The following KLHL4 variants were observed in gnomAD, a reference collection of about 807,000 sequenced individuals.
KLHL4 encodes the protein kelch-like protein 4.
In KLHL4, 17 loss-of-function variants were observed where a neutral mutation model predicts 45.8. The observed-to-expected ratio is 0.37, with a 90% CI of 0.25 to 0.56. The LOEUF is 0.56. Among genes scored for constraint, KLHL4 ranks in the 20% least tolerant of loss-of-function variants. The pLI, the probability that KLHL4 is intolerant of heterozygous loss-of-function variation, is 0.79. For missense variants in KLHL4, 544 were observed against 544.9 expected (o/e 1.00, Z 0.02); for synonymous variants, 224 against 189.9 (o/e 1.18, Z -1.47).
chrX:87,528,390 C>A (rs1042858785), intron 1 of KLHL4, among the ~76,000 whole-genome samples: 3 of 109,747 alleles, frequency 2.7e-5, no homozygotes, highest in Admixed American at 1.9e-4. Context: ...ATGGGACTTA[C>A]GAGACACCAT....
chrX:87,554,952 C>T (rs79466750), intron 1 of KLHL4, among the ~76,000 whole-genome samples: 23,746 of 104,751 alleles, frequency 0.23, 2,033 homozygotes, highest in South Asian at 0.28. Flanking sequence ...TGTCAAAGGC[C>T]TTTTCTGCAT....
intron 9 of KLHL4, among the ~76,000 whole-genome samples, chrX:87,641,065 G>A (rs775706208): frequency 2.7e-5 from 3 of 112,093 alleles, no homozygotes; most frequent in Non-Finnish European, 5.6e-5. Context: ...GGAGAAGATT[G>A]CAGCTACAGA....
At chrX:87,551,126 A>G (rs113621018) in intron 1 of KLHL4, among the ~76,000 whole-genome samples, 3 of 107,777 alleles carry the variant, frequency 2.8e-5, no homozygotes, top group African/African-American at 1.0e-4. Context: ...GACTCCTCCA[A>G]AAAGCTCCTA....
intron 1 of KLHL4, among the ~76,000 whole-genome samples, chrX:87,597,273 G>C (rs1407816352): frequency 2.7e-5 from 3 of 111,505 alleles, no homozygotes; most frequent in African/African-American, 9.8e-5. Context: ...TACTGACACT[G>C]TAGCTAGAAT....
chrX:87,634,549 G>T (rs1254728713), intron 8 of KLHL4, among the ~76,000 whole-genome samples: 2 of 111,943 alleles, frequency 1.8e-5, no homozygotes, highest in Non-Finnish European at 3.8e-5. Flanking sequence ...CATGAATCAT[G>T]CGAGTTTTAG....
chrX:87,632,187 G>A (rs781602305), intron 6 of KLHL4, 23 bp from the exon 7 acceptor site: 28 of 983,544 alleles, frequency 2.8e-5, no homozygotes, highest in African/African-American at 3.8e-5. Flanking sequence ...AGATTTTACC[G>A]TTGTTCAATA....
intron 1 of KLHL4, among the ~76,000 whole-genome samples, chrX:87,600,365 T>A (rs954600752): frequency 4.2e-4 from 46 of 109,641 alleles, no homozygotes; most frequent in Admixed American, 9.7e-4. Context: ...GCACCTGTAG[T>A]CCCAGCTATC....
At chrX:87,656,823 C>T (rs1158838857) in intron 9 of KLHL4, among the ~76,000 whole-genome samples, 2 of 111,787 alleles carry the variant, frequency 1.8e-5, no homozygotes, top group Non-Finnish European at 3.8e-5. Flanking sequence ...AAAAATATCA[C>T]ATCTTCTTAT....
At chrX:87,645,041 T>C (rs1923586781) in intron 9 of KLHL4, among the ~76,000 whole-genome samples, 1 of 111,768 alleles carries the variant, frequency 8.9e-6, no homozygotes, top group South Asian at 3.7e-4. Context: ...AAAACAAAGC[T>C]AAATAGGTGG....
chrX:87,608,607 G>T (rs1922271155), intron 1 of KLHL4, among the ~76,000 whole-genome samples: 1 of 111,130 alleles, frequency 9.0e-6, no homozygotes, highest in African/African-American at 3.3e-5. Flanking sequence ...GTACAAGCAG[G>T]ACACCAGCAT....
chrX:87,532,337 C>A (rs1160124906), intron 1 of KLHL4, among the ~76,000 whole-genome samples: 1 of 110,607 alleles, frequency 9.0e-6, no homozygotes. Context: ...GTTACTGTAA[C>A]CTTGTAGTGT....
chrX:87,666,417 T>C, intron 10 of KLHL4, 58 bp from the exon 11 acceptor site: 1 of 1,074,383 alleles, frequency 9.3e-7, no homozygotes, highest in Non-Finnish European at 1.3e-6. Flanking sequence ...ATATAATATT[T>C]TATATTATGC....
chrX:87,638,998 A>G (rs1923359359), intron 9 of KLHL4, among the ~76,000 whole-genome samples: 1 of 110,951 alleles, frequency 9.0e-6, no homozygotes, highest in African/African-American at 3.3e-5. Flanking sequence ...AGGAGTGGAA[A>G]AAAGATAGTC....
At chrX:87,608,475 T>C (rs905066578) in intron 1 of KLHL4, among the ~76,000 whole-genome samples, 3 of 102,901 alleles carry the variant, frequency 2.9e-5, no homozygotes, top group Non-Finnish European at 6.2e-5. Flanking sequence ...TCTGAAGGGC[T>C]TTTTTTTTTC....
At chrX:87,552,710 TATAA>T (rs918731293) in intron 1 of KLHL4, among the ~76,000 whole-genome samples, 34 of 67,556 alleles carry the variant, frequency 5.0e-4, no homozygotes, top group East Asian at 4.6e-3. Context: ...TATATATATA[TATAA>T]CATGGCATTT....
intron 1 of KLHL4, among the ~76,000 whole-genome samples, chrX:87,596,533 CAGTT>C (rs765449376): frequency 3.8e-4 from 43 of 111,707 alleles, no homozygotes; most frequent in African/African-American, 1.2e-3. Flanking sequence ...GGAAATCACT[CAGTT>C]AGCAAAAGAC....
intron 1 of KLHL4, among the ~76,000 whole-genome samples, chrX:87,524,009 A>T (rs1236839141): frequency 8.9e-6 from 1 of 111,776 alleles, no homozygotes; most frequent in African/African-American, 3.3e-5. Flanking sequence ...AAGAAAAAAG[A>T]CAATTTTTTT....
chrX:87,554,722 C>T (rs1931927250), intron 1 of KLHL4, among the ~76,000 whole-genome samples: 1 of 106,617 alleles, frequency 9.4e-6, no homozygotes, highest in South Asian at 4.4e-4. Flanking sequence ...CTTCTCCTTC[C>T]TAATTGCCCT....
intron 1 of KLHL4, among the ~76,000 whole-genome samples, chrX:87,537,148 C>A (rs1305742272): frequency 9.0e-6 from 1 of 110,913 alleles, no homozygotes; most frequent in Non-Finnish European, 1.9e-5. Flanking sequence ...GTTGCATCTA[C>A]AATACTGGAA....
Sources: gnomAD v4.1 joint callset for allele counts (sites outside exome capture counted in the v4.1 genomes callset) on GRCh38, gnomAD v4.1.1 for gene constraint, MANE v1.5 for transcripts, NCBI Gene and HGNC (gene_info 2026-07-23, HGNC 2026-07-21) for gene names.